The following SEMA3F variants were observed in gnomAD, a reference collection of about 807,000 sequenced individuals.
SEMA3F encodes semaphorin 3F.
In SEMA3F, 30 loss-of-function variants were observed where a neutral mutation model predicts 98.5. That is an observed-to-expected ratio of 0.30 (90% CI 0.23 to 0.41). The LOEUF (loss-of-function observed/expected upper bound fraction) is 0.41. SEMA3F is among the 10% of genes least tolerant of loss of function. SEMA3F has a pLI of 1.00. For synonymous variants in SEMA3F, 380 were observed against 444.8 expected, an observed-to-expected ratio of 0.85 and a Z score of 1.83; for missense variants, 866 against 1,119.3, an observed-to-expected ratio of 0.77 and a Z score of 3.23.
intron 1 of SEMA3F, chr3:50,159,276 C>T (rs1698113158): frequency 4.3e-6 from 1 of 231,548 alleles, no homozygotes; most frequent in Non-Finnish European, 8.2e-6. Context: ...GGAAAGAGCC[C>T]TAAGATCACC....
chr3:50,188,004 C>T lies in SEMA3F; in HGVS notation c.2247C>T (p.Tyr749=). The part of the protein sequence containing the change: ...VGLIHQYCQG[Y]WRHVPPSPRE... ...TCATCCACCAGTACTGCCAGGGTTA[C>T]TGGCGCCATGTGCCCCCCAGCCCCA... Residue 749 remains tyrosine (Y), a synonymous_variant, in exon 19 of 19, where the codon TAC becomes TAT. Transcript: ENST00000002829. The surrounding 1 kb of genome is among the most constrained non-coding windows in gnomAD (Gnocchi z 4.5). The T allele has an allele frequency of 6.2e-7, 1 of 1,604,716 alleles. No homozygotes were observed. Among genetic ancestry groups the T allele is most frequent in the African/African-American group, 1.3e-5 (1 of 74,660 alleles).
chr3:50,183,203 C>T lies in SEMA3F; in HGVS notation c.1036C>T (p.Gln346Ter). Reference protein sequence around the residue: ...FDELQDVFVQQTQDVRNPVIY... With the variant: ...FDELQDVFVQ ...GTCCCCAGAGGACGTGTTTGTCCAG[C>T]AGACCCAGGACGTGAGGAACCCTGT... Residue 346 changes from glutamine to a stop codon, truncating the protein, a stop_gained, in exon 11 of 19, where the codon CAG becomes TAG. Transcript: ENST00000002829. LOFTEE classifies it high-confidence loss of function. 6.2e-7 allele frequency: 1 copy of T among 1,614,118 alleles called. No homozygotes were observed. The highest frequency in any genetic ancestry group is 8.5e-7 in the Non-Finnish European group (1 of 1,179,960).
chr3:50,163,551 G>GTT (rs2109063321), intron 2 of SEMA3F, among the ~76,000 whole-genome samples: 1 of 152,384 alleles, frequency 6.6e-6, no homozygotes, highest in Admixed American at 6.5e-5. Flanking sequence ...GTCACAGCCC[G>GTT]TTGACTTCCC....
chr3:50,167,144 G>A (rs1329674247), intron 2 of SEMA3F, among the ~76,000 whole-genome samples: 1 of 152,196 alleles, frequency 6.6e-6, no homozygotes, highest in Non-Finnish European at 1.5e-5. Context: ...CTGAGCCGGA[G>A]CCCTGACTTG....
At chr3:50,179,140 T>C (rs1698928941) in intron 7 of SEMA3F, among the ~76,000 whole-genome samples, 1 of 152,098 alleles carries the variant, frequency 6.6e-6, no homozygotes, top group African/African-American at 2.4e-5. Context: ...ACATAATTCT[T>C]AAGGGCCCTA....
chr3:50,165,524 C>T (rs1375195429), intron 2 of SEMA3F, among the ~76,000 whole-genome samples: 1 of 152,208 alleles, frequency 6.6e-6, no homozygotes, highest in Non-Finnish European at 1.5e-5. Flanking sequence ...CTAGGGGTGA[C>T]CAGACCTGGG....
At position 50,184,749 on chromosome 3, in the gene SEMA3F, C is replaced by G; in HGVS notation, c.1391C>G (p.Thr464Ser). 2 of 1,614,156 alleles carry G rather than the reference C, an allele frequency of 1.2e-6. No homozygotes were observed. Among genetic ancestry groups the G allele is most frequent in the Non-Finnish European group, 1.7e-6 (2 of 1,180,000 alleles). ...CGCACAGGTGCTCCCTACCGCCTTA[C>G]CACTATTGCCGTGGACCAGGTGGAT... The part of the protein sequence containing the change: ...VVRTGAPYRL[T>S]TIAVDQVDAA... Residue 464 changes from threonine to serine, a missense_variant, in exon 13 of 19, where the codon ACC becomes AGC. Physicochemically the swap from Thr to Ser is moderately conservative, Grantham distance 58. Transcript: ENST00000002829.
chr3:50,173,053 A>G (rs1256011901), intron 2 of SEMA3F, among the ~76,000 whole-genome samples: 1 of 152,158 alleles, frequency 6.6e-6, no homozygotes, highest in African/African-American at 2.4e-5. Context: ...CTGTCTATGA[A>G]TCAGGGGTTT....
intron 2 of SEMA3F, among the ~76,000 whole-genome samples, chr3:50,162,077 G>A (rs955505892): frequency 4.6e-5 from 7 of 152,224 alleles, no homozygotes; most frequent in Non-Finnish European, 5.9e-5. Context: ...CACAGCAGTT[G>A]ACACCCCAGG....
intron 11 of SEMA3F, 75 bp downstream of exon 11, chr3:50,183,330 C>G: frequency 1.2e-6 from 2 of 1,604,000 alleles, no homozygotes; most frequent in South Asian, 2.2e-5. Flanking sequence ...AGAACCCCAG[C>G]CCGGTGGCGA....
intron 5 of SEMA3F, 85 bp downstream of exon 5, chr3:50,174,435 A>T: frequency 6.8e-7 from 1 of 1,476,876 alleles, no homozygotes; most frequent in Non-Finnish European, 9.1e-7. Flanking sequence ...CTTCAGCCCC[A>T]GCCCTGCCAC....
intron 2 of SEMA3F, among the ~76,000 whole-genome samples, chr3:50,171,811 T>C (rs537594684): frequency 4.5e-4 from 68 of 152,296 alleles, no homozygotes; most frequent in African/African-American, 1.6e-3. Context: ...GAGGCGCCGC[T>C]GGACAGGCGG....
At chr3:50,183,897 C>A (rs929370682) in intron 12 of SEMA3F, among the ~76,000 whole-genome samples, 1 of 151,928 alleles carries the variant, frequency 6.6e-6, no homozygotes, top group Non-Finnish European at 1.5e-5. Context: ...GAACAGGAGG[C>A]AAAGAGCTGG....
chr3:50,169,453 G>C (rs1698520710), intron 2 of SEMA3F, among the ~76,000 whole-genome samples: 1 of 152,182 alleles, frequency 6.6e-6, no homozygotes, highest in Non-Finnish European at 1.5e-5. Context: ...TCTGATGCCA[G>C]AAAAGGCTCT....
intron 6 of SEMA3F, among the ~76,000 whole-genome samples, chr3:50,175,635 T>A (rs1034700521): frequency 4.0e-5 from 6 of 151,750 alleles, no homozygotes; most frequent in African/African-American, 1.2e-4. Flanking sequence ...TGCACACTCA[T>A]GTGCTTGGGG....
At chr3:50,162,946 A>G (rs1171757246) in intron 2 of SEMA3F, among the ~76,000 whole-genome samples, 1 of 152,130 alleles carries the variant, frequency 6.6e-6, no homozygotes, top group African/African-American at 2.4e-5. Flanking sequence ...TAACCAAGCA[A>G]TGGTCCCTCC....
chr3:50,176,686 T>G, intron 6 of SEMA3F, 82 bp from the exon 7 acceptor site: 2 of 1,022,112 alleles, frequency 2.0e-6, no homozygotes, highest in Non-Finnish European at 3.1e-6. Flanking sequence ...GGGCTCATTC[T>G]CACCCTGGGA....
chr3:50,183,344 GTGGGGAGGGGGCAGTT>G (rs1021309571), intron 11 of SEMA3F, 60 bp from the exon 12 acceptor site: 5 of 1,604,522 alleles, frequency 3.1e-6, no homozygotes, highest in African/African-American at 1.3e-5. Flanking sequence ...GTGGCGAGCT[GTGGGGAGGGGGCAGTT>G]TGGGGAGGGG....
intron 2 of SEMA3F, among the ~76,000 whole-genome samples, chr3:50,172,259 G>A (rs972352073): frequency 6.6e-6 from 1 of 152,206 alleles, no homozygotes; most frequent in African/African-American, 2.4e-5. Flanking sequence ...GTGTATACAT[G>A]CATGCACTCT....
Sources: allele counts gnomAD v4.1 joint callset (sites outside exome capture counted in the v4.1 genomes callset), GRCh38; gene constraint gnomAD v4.1.1; non-coding constraint Gnocchi (gnomAD v3.1); transcripts MANE v1.5; gene names NCBI Gene and HGNC (gene_info 2026-07-23, HGNC 2026-07-21).